The following MYO16 variants were observed in gnomAD, a reference collection of about 807,000 sequenced individuals.
The protein encoded by MYO16 is myosin XVI.
Under a neutral mutation model 205.3 loss-of-function variants are expected in MYO16, and 94 were observed. That is an observed-to-expected ratio of 0.46 (90% CI 0.39 to 0.54). The LOEUF (loss-of-function observed/expected upper bound fraction) is 0.54, where lower values mean the gene tolerates loss of function less well. Among genes scored for constraint, MYO16 ranks in the 20% least tolerant of loss-of-function variants. The pLI is 0.00. For missense variants in MYO16, 2,315 were observed against 2,387.5 expected, an observed-to-expected ratio of 0.97 and a Z score of 0.63; for synonymous variants, 988 against 954.0, an observed-to-expected ratio of 1.04 and a Z score of -0.66.
At chr13:108,698,200 G>T (rs1566556789) in intron 2 of MYO16, among the ~76,000 whole-genome samples, 1 of 152,150 alleles carries the variant, frequency 6.6e-6, no homozygotes, top group Admixed American at 6.5e-5. Flanking sequence ...CCCAACTGGG[G>T]TCAGATGTCC....
intron 14 of MYO16, among the ~76,000 whole-genome samples, chr13:108,891,096 C>T (rs534107717): frequency 2.0e-5 from 3 of 152,252 alleles, no homozygotes; most frequent in South Asian, 2.1e-4. Context: ...GTATCGTGAC[C>T]GTATAGGAGA....
chr13:109,114,455 G>A (rs1875571119), intron 28 of MYO16, among the ~76,000 whole-genome samples: 1 of 152,212 alleles, frequency 6.6e-6, no homozygotes, highest in Non-Finnish European at 1.5e-5. Context: ...TGTGTGGACT[G>A]TGTGAATGTC....
Position 109,055,421 on chromosome 13 carries a change from A to G in MYO16, c.3161A>G (p.Gln1054Arg), listed in dbSNP as rs1887384274. 6.2e-7 allele frequency: 1 copy of G among 1,612,778 alleles called. No homozygotes were observed. The highest frequency in any genetic ancestry group is 1.7e-5 in the Admixed American group (1 of 59,804). Residue 1054 changes from glutamine to arginine, a missense_variant, in exon 27 of 35, where the codon CAG (glutamine) becomes CGG (arginine). By Grantham distance (43) the Gln-to-Arg change is conservative (BLOSUM62 1). Transcript: ENST00000457511. This position sits in a 1 kb window ranked among gnomAD's most constrained non-coding sequence, Gnocchi z 5.0. ...KSLMDIIGKL[Q>R]KCTPHFIHCI... ...CTAATGGATATTATTGGAAAACTTC[A>G]GAAGTGCACTCCACACTTCATTCAT...
intron 5 of MYO16, among the ~76,000 whole-genome samples, chr13:108,789,624 C>A (rs1262862309): frequency 1.3e-5 from 2 of 152,138 alleles, no homozygotes; most frequent in African/African-American, 4.8e-5. Context: ...GTAGCTGCAC[C>A]CTTCCTGTTT....
At chr13:108,876,887 C>T (rs996469164) in intron 12 of MYO16, among the ~76,000 whole-genome samples, 1 of 152,078 alleles carries the variant, frequency 6.6e-6, no homozygotes, top group East Asian at 1.9e-4. Flanking sequence ...GGGATGGTCT[C>T]AATCTCCTGA....
intron 20 of MYO16, among the ~76,000 whole-genome samples, chr13:108,965,681 C>T (rs563473786): frequency 6.6e-6 from 1 of 152,376 alleles, no homozygotes; most frequent in African/African-American, 2.4e-5. Flanking sequence ...GCTGGGATTA[C>T]AGGCATGAGC....
chr13:109,178,168 A>G (rs1304163988), intron 33 of MYO16, among the ~76,000 whole-genome samples: 1 of 151,978 alleles, frequency 6.6e-6, no homozygotes, highest in African/African-American at 2.4e-5. Flanking sequence ...CTGCTCTGAC[A>G]CTCACTGTGA....
chr13:108,555,047 A>G, the MYO16 span, among the ~76,000 whole-genome samples: 1 of 152,272 alleles, frequency 6.6e-6, no homozygotes, highest in East Asian at 1.9e-4. Context: ...TTTAATAAGT[A>G]GTCATTAATC....
At chr13:109,051,975 C>A (rs1887260597) in intron 24 of MYO16, among the ~76,000 whole-genome samples, 1 of 152,022 alleles carries the variant, frequency 6.6e-6, no homozygotes, top group African/African-American at 2.4e-5. Flanking sequence ...CATGATTTGA[C>A]AAGTGCACAA....
At chr13:108,502,677 A>G in the MYO16 span, among the ~76,000 whole-genome samples, 1 of 152,186 alleles carries the variant, frequency 6.6e-6, no homozygotes, top group Non-Finnish European at 1.5e-5. Flanking sequence ...ATATTAAATA[A>G]TTTCTTTAAG....
the MYO16 span, among the ~76,000 whole-genome samples, chr13:108,528,862 A>G: frequency 1.3e-5 from 2 of 151,148 alleles, no homozygotes; most frequent in Admixed American, 6.6e-5. Flanking sequence ...AACTGACAAT[A>G]ACTTAAGCAA....
intron 23 of MYO16, among the ~76,000 whole-genome samples, chr13:109,021,025 C>G (rs992827204): frequency 1.3e-5 from 2 of 152,008 alleles, no homozygotes; most frequent in Admixed American, 1.3e-4. Context: ...CAATGCGTGG[C>G]TTAAAAAATG....
intron 21 of MYO16, among the ~76,000 whole-genome samples, chr13:109,006,459 C>T (rs138209939): frequency 7.1e-4 from 108 of 152,162 alleles, no homozygotes; most frequent in African/African-American, 2.3e-3. Flanking sequence ...AGACTGGTCT[C>T]GAACTCCTGA....
rs1444841402 is a variant in MYO16, at chr13:108,844,336, C to T, written c.1098-7C>T. ...ACTAATTGTAGTATTGATTTTTTTT[C>T]CTGTAGCAGTCCCCTGGTGTTACCA... is the stretch of plus-strand genomic sequence containing the variant. On this transcript the variant is annotated splice_polypyrimidine_tract_variant and splice_region_variant and intron_variant, in intron 9 of 34. Transcript: ENST00000457511. 3.1e-6 allele frequency: 5 copies of T among 1,594,152 alleles called. No homozygotes were observed. Among genetic ancestry groups the T allele is most frequent in the Admixed American group, 1.8e-5 (1 of 56,538 alleles).
chr13:108,808,084 C>G (rs1395134934), intron 7 of MYO16, among the ~76,000 whole-genome samples: 1 of 151,882 alleles, frequency 6.6e-6, no homozygotes, highest in Non-Finnish European at 1.5e-5. Flanking sequence ...ATGACCAAGG[C>G]AGAAAAAATT....
chr13:108,533,072 T>C, the MYO16 span, among the ~76,000 whole-genome samples: 35,266 of 152,020 alleles, frequency 0.23, 4,382 homozygotes, highest in East Asian at 0.46. Flanking sequence ...CTGTTTTCCT[T>C]TCAAATTATG....
the MYO16 span, among the ~76,000 whole-genome samples, chr13:108,586,587 T>A: frequency 6.6e-6 from 1 of 152,208 alleles, no homozygotes; most frequent in Non-Finnish European, 1.5e-5. Flanking sequence ...GTGGTCACTC[T>A]TAAGGGGCTG....
chr13:108,654,623 G>A (rs550827877), intron 1 of MYO16, among the ~76,000 whole-genome samples: 19 of 152,282 alleles, frequency 1.2e-4, no homozygotes, highest in African/African-American at 4.1e-4. Flanking sequence ...CTGCATAACA[G>A]GCAGAGGTTT....
chr13:108,678,472 G>A (rs1449597576), intron 2 of MYO16, among the ~76,000 whole-genome samples: 1 of 152,088 alleles, frequency 6.6e-6, no homozygotes, highest in Non-Finnish European at 1.5e-5. Flanking sequence ...GAAGGTGTCT[G>A]TACTCATGAG....
Sources: gnomAD v4.1 joint callset for allele counts (sites outside exome capture counted in the v4.1 genomes callset) on GRCh38, gnomAD v4.1.1 for gene constraint, Gnocchi (gnomAD v3.1) non-coding constraint, MANE v1.5 for transcripts, NCBI Gene and HGNC (gene_info 2026-07-23, HGNC 2026-07-21) for gene names.